Variants in RALYL observed in about 807,000 individuals in gnomAD.
RALYL encodes RALY RNA binding protein like.
Under a neutral mutation model 35.1 loss-of-function variants are expected in RALYL, and 29 were observed. That is an observed-to-expected ratio of 0.83 (90% CI 0.61 to 1.13). The LOEUF (loss-of-function observed/expected upper bound fraction) is 1.13. Ranked by LOEUF, RALYL falls within the 50% of genes most tolerant of loss-of-function variation. The pLI is 0.00. For missense variants in RALYL, 359 were observed against 360.4 expected (o/e 1.00, Z 0.03); for synonymous variants, 120 against 127.6 (o/e 0.94, Z 0.40).
At chr8:84,612,798 A>C (rs2130902311) in intron 2 of RALYL, among the ~76,000 whole-genome samples, 1 of 151,770 alleles carries the variant, frequency 6.6e-6, no homozygotes, top group South Asian at 2.1e-4. Context: ...GAGTAAGAAA[A>C]CCAAGTTCAA....
intron 1 of RALYL, among the ~76,000 whole-genome samples, chr8:84,518,458 T>C (rs1201813388): frequency 6.6e-6 from 1 of 152,184 alleles, no homozygotes; most frequent in Non-Finnish European, 1.5e-5. Flanking sequence ...CAATAATGCA[T>C]TGCTAGATGC....
intron 1 of RALYL, among the ~76,000 whole-genome samples, chr8:84,282,661 A>G (rs1040964312): frequency 6.6e-6 from 1 of 151,510 alleles, no homozygotes; most frequent in Non-Finnish European, 1.5e-5. Context: ...TGCTATGTTG[A>G]TAATTGAGGA....
intron 1 of RALYL, among the ~76,000 whole-genome samples, chr8:84,261,062 T>TTAAATATTAA (rs1426147521): frequency 5.9e-5 from 9 of 152,076 alleles, no homozygotes; most frequent in Non-Finnish European, 5.9e-5. Context: ...TGTTTAAATA[T>TTAAATATTAA]GGTTTGTCCC....
chr8:84,267,314 T>C (rs1586656021), intron 1 of RALYL, among the ~76,000 whole-genome samples: 1 of 152,162 alleles, frequency 6.6e-6, no homozygotes, highest in Non-Finnish European at 1.5e-5. Context: ...GATTGTAAAC[T>C]CCAGAAGCCT....
chr8:84,516,917 G>T (rs1478743839), intron 1 of RALYL, among the ~76,000 whole-genome samples: 24 of 152,158 alleles, frequency 1.6e-4, no homozygotes, highest in Admixed American at 1.4e-3. Context: ...TGTCTCATCA[G>T]CGTTGAAGTT....
At chr8:84,776,094 TAA>T (rs1816771508) in intron 3 of RALYL, among the ~76,000 whole-genome samples, 1 of 152,210 alleles carries the variant, frequency 6.6e-6, no homozygotes, top group South Asian at 2.1e-4. Context: ...AAAGGAGAAT[TAA>T]GTTATATGTG....
At chr8:84,447,688 TG>T in intron 1 of RALYL, among the ~76,000 whole-genome samples, 1 of 152,192 alleles carries the variant, frequency 6.6e-6, no homozygotes, top group East Asian at 1.9e-4. Flanking sequence ...AATTTGTGAT[TG>T]AATGAGGACA....
chr8:84,544,761 A>G (rs1318357371), intron 2 of RALYL, among the ~76,000 whole-genome samples: 2 of 152,072 alleles, frequency 1.3e-5, no homozygotes, highest in African/African-American at 2.4e-5. Context: ...ACATTTTATC[A>G]TGCAATGTTT....
chr8:84,532,737 A>G (rs1294618295), intron 2 of RALYL, among the ~76,000 whole-genome samples: 1 of 152,090 alleles, frequency 6.6e-6, no homozygotes. Context: ...TATTTACTGC[A>G]TGTTTAAAAT....
intron 2 of RALYL, among the ~76,000 whole-genome samples, chr8:84,585,873 G>A (rs1034858786): frequency 7.2e-5 from 11 of 152,062 alleles, no homozygotes; most frequent in Admixed American, 1.3e-4. Context: ...GGGATCAGGC[G>A]TGGAAAGTTC....
intron 1 of RALYL, among the ~76,000 whole-genome samples, chr8:84,312,995 C>T (rs1405903806): frequency 6.6e-6 from 1 of 152,244 alleles, no homozygotes; most frequent in Non-Finnish European, 1.5e-5. Context: ...GCATGGACAT[C>T]CAGGCATTTC....
At chr8:84,418,172 G>A (rs1662235406) in intron 1 of RALYL, among the ~76,000 whole-genome samples, 1 of 152,098 alleles carries the variant, frequency 6.6e-6, no homozygotes, top group Non-Finnish European at 1.5e-5. Context: ...AAACAGCACG[G>A]TGCCAAAAAA....
chr8:84,255,303 G>C (rs960653921), intron 1 of RALYL, among the ~76,000 whole-genome samples: 1 of 152,080 alleles, frequency 6.6e-6, no homozygotes, highest in African/African-American at 2.4e-5. Context: ...GAAATGTCAT[G>C]TAAAAGTAAT....
intron 1 of RALYL, among the ~76,000 whole-genome samples, chr8:84,250,712 G>A (rs1258743122): frequency 6.6e-6 from 1 of 152,158 alleles, no homozygotes; most frequent in Non-Finnish European, 1.5e-5. Context: ...TGTAGTCAAT[G>A]CTGGTTTTCC....
rs758320780 is a variant in RALYL, at chr8:84,764,984, GCAA to G, written c.257-9593_257-9591del. On this transcript the variant is annotated intron_variant, in intron 2 of 8. Coordinates refer to ENST00000521268, the MANE Select transcript of RALYL (RefSeq NM_173848.7). ...CCCTGGGTGTGCTGTACTTGCTTTT[GCAA>G]CTCTGGTACATTTGTGGGTTTTTTT... Among the ~76,000 whole-genome samples, 5 of 152,134 alleles carry G rather than the reference GCAA, an allele frequency of 3.3e-5. No individual in the cohort carries two copies. The East Asian group carries it at 5.8e-4, about 18-fold the overall frequency.
At chr8:84,346,929 G>T (rs1849939194) in intron 1 of RALYL, among the ~76,000 whole-genome samples, 1 of 152,082 alleles carries the variant, frequency 6.6e-6, no homozygotes. Context: ...GCCAGGCACG[G>T]TGGTTCACAC....
Position 84,261,129 on chromosome 8 carries a change from CTT to C in RALYL, c.-24+76707_-24+76708del, listed in dbSNP as rs1490588149. ...CAGGTTTTTTTTTTTATAATTTACTCTTTGATTAATTCCTAAGTTTTATTCAG... is the reference window on the plus strand; with the variant it reads ...CAGGTTTTTTTTTTTATAATTTACTCTGATTAATTCCTAAGTTTTATTCAG... On this transcript the variant is annotated intron_variant, in intron 1 of 8. Transcript: ENST00000521268. Among the ~76,000 whole-genome samples, 888 of 148,422 alleles carry C rather than the reference CTT, an allele frequency of 6.0e-3. 11 individuals carry two copies. The highest frequency in any genetic ancestry group is 0.02 in the African/African-American group (813 of 40,234).
chr8:84,327,584 A>G (rs532687673), intron 1 of RALYL, among the ~76,000 whole-genome samples: 2 of 152,030 alleles, frequency 1.3e-5, no homozygotes, highest in Non-Finnish European at 2.9e-5. Flanking sequence ...TTATGTATCT[A>G]TGGCTGCGTT....
At chr8:84,833,367 G>A (rs773577254) in intron 4 of RALYL, among the ~76,000 whole-genome samples, 10 of 152,084 alleles carry the variant, frequency 6.6e-5, no homozygotes, top group Non-Finnish European at 1.5e-4. Flanking sequence ...GCCGGGTGCA[G>A]TGGCTCATGC....
Sources: gnomAD v4.1 joint callset for allele counts (sites outside exome capture counted in the v4.1 genomes callset) on GRCh38, gnomAD v4.1.1 for gene constraint, MANE v1.5 for transcripts, NCBI Gene and HGNC (gene_info 2026-07-23, HGNC 2026-07-21) for gene names.